P2RY8: variants seen among roughly 807,000 people sequenced by gnomAD.
P2RY8 encodes P2Y receptor family member 8.
P2RY8 carries 6 observed loss-of-function variants against 10.0 expected under a neutral mutation model. The ratio of observed to expected loss-of-function variants is 0.60; its 90% CI spans 0.33 to 1.19. P2RY8 has a LOEUF of 1.19. P2RY8 is among the 50% of genes most tolerant of loss of function. The probability of loss-of-function intolerance (pLI) is 0.04; values close to 1 mark genes in which losing one functional copy is unlikely to be tolerated. For synonymous variants in P2RY8, 276 were observed against 252.5 expected, an observed-to-expected ratio of 1.09 and a Z score of -0.88; for missense variants, 456 against 542.0, an observed-to-expected ratio of 0.84 and a Z score of 1.58.
intron 1 of P2RY8, among the ~76,000 whole-genome samples, chrX:1,498,418 A>AAG (rs1556680336): frequency 6.6e-6 from 1 of 151,196 alleles, no homozygotes; most frequent in Non-Finnish European, 1.5e-5. Flanking sequence ...AAAAAAAAAA[A>AAG]AAAAAGAAAA....
intron 1 of P2RY8, among the ~76,000 whole-genome samples, chrX:1,486,273 C>T (rs777724342): frequency 6.6e-6 from 1 of 152,244 alleles, no homozygotes; most frequent in South Asian, 2.1e-4. Flanking sequence ...ACGTTCCCTG[C>T]AGCACTCTTC....
chrX:1,536,863 C>T (rs1332522325), intron 1 of P2RY8, 58 bp downstream of exon 1: 1 of 209,532 alleles, frequency 4.8e-6, no homozygotes, highest in African/African-American at 2.3e-5. Context: ...CTCCCAGCGA[C>T]CCTGTCTTCT....
At chrX:1,484,670 G>A (rs1282399029) in intron 1 of P2RY8, among the ~76,000 whole-genome samples, 2 of 139,496 alleles carry the variant, frequency 1.4e-5, no homozygotes, top group African/African-American at 2.6e-5. Context: ...GGAGGTTGCA[G>A]TGAGCTGAGA....
At position 1,464,252 on chromosome X, in the gene P2RY8, T is replaced by C. The variant is rs186873355; in HGVS notation, c.*1227A>G. On this transcript the variant is annotated 3_prime_UTR_variant, in exon 2 of 2. Coordinates refer to ENST00000381297, the MANE Select transcript of P2RY8 (RefSeq NM_178129.5). ...GTGATGTCCCAGCACCCCTGGAGAG[T>C]CAGAGCTCTTCTTTGCGCTAAACCA... 1 of 233,044 alleles carries C rather than the reference T, an allele frequency of 4.3e-6. No individual in the cohort carries two copies. The highest frequency in any genetic ancestry group is 2.2e-5 in the African/African-American group (1 of 45,274). The allele number at this position is 233,044 out of a possible 1,614,324, so 14.4% of individuals were successfully genotyped here.
At position 1,521,944 on chromosome X, in the gene P2RY8, C is replaced by CT. The variant is rs751056296; in HGVS notation, c.-25+14976dup. On this transcript the variant is annotated intron_variant, in intron 1 of 1. Coordinates refer to ENST00000381297, the MANE Select transcript of P2RY8 (RefSeq NM_178129.5). ...TGTCTTTCTCTTTCTCTCTCGCTCT[C>CT]TTTTTTTTTTTTTTTTTTTTTTTTT... Among the ~76,000 whole-genome samples the CT allele has an allele frequency of 8.1e-3, 317 of 38,976 alleles. 38 individuals carry two copies. The highest frequency in any genetic ancestry group is 0.017 in the African/African-American group (151 of 8,672). The allele number at this position is 38,976 out of a possible 152,430, so 25.6% of individuals were successfully genotyped here.
intron 1 of P2RY8, among the ~76,000 whole-genome samples, chrX:1,516,605 G>A (rs1451082659): frequency 1.3e-5 from 2 of 151,776 alleles, no homozygotes. Flanking sequence ...CCAAGTCCAG[G>A]AGAGAGGCCT....
chrX:1,477,290 T>TATCAATC (rs2149381961), intron 1 of P2RY8, among the ~76,000 whole-genome samples: 1 of 152,320 alleles, frequency 6.6e-6, no homozygotes, highest in African/African-American at 2.4e-5. Flanking sequence ...ATCTATCATC[T>TATCAATC]ATCTATATCA....
rs370702297 is a variant in P2RY8, at chrX:1,466,061, C to G, written c.498G>C (p.Pro166=). ...SPLARTDLTY[P]VHALGIITCF... is the part of the protein sequence containing the mutation. ...AGGTGATGATGCCCAGGGCGTGCAC[C>G]GGGTAGGTGAGATCGGTGCGCGCCA... is the stretch of plus-strand genomic sequence containing the variant. The change falls in exon 2 of 2, where the codon CCG becomes CCC. Residue 166 remains proline (P), a synonymous_variant. Transcript: ENST00000381297. The G allele has an allele frequency of 2.5e-6, 4 of 1,611,626 alleles. No individual in the cohort carries two copies. The African/African-American group carries it at 5.3e-5, about 22-fold the overall frequency.
intron 1 of P2RY8, among the ~76,000 whole-genome samples, chrX:1,525,820 C>G (rs2092436097): frequency 6.6e-6 from 1 of 150,866 alleles, no homozygotes; most frequent in South Asian, 2.1e-4. Context: ...TATTCATTCG[C>G]CCATTCATTT....
At chrX:1,498,420 A>AG (rs1203615344) in intron 1 of P2RY8, among the ~76,000 whole-genome samples, 3 of 151,098 alleles carry the variant, frequency 2.0e-5, no homozygotes, top group African/African-American at 4.8e-5. Flanking sequence ...AAAAAAAAAA[A>AG]AAAGAAAAAG....
chrX:1,472,311 T>A (rs756419936), intron 1 of P2RY8, among the ~76,000 whole-genome samples: 2 of 151,026 alleles, frequency 1.3e-5, no homozygotes, highest in East Asian at 3.9e-4. Flanking sequence ...AGAGAAGGCA[T>A]GGAAAGATGA....
chrX:1,528,993 T>A (rs1300688869), intron 1 of P2RY8, among the ~76,000 whole-genome samples: 3 of 152,212 alleles, frequency 2.0e-5, no homozygotes, highest in African/African-American at 7.2e-5. Flanking sequence ...TGGGACAGTA[T>A]AAATGACGCT....
At chrX:1,475,282 G>T (rs1415057485) in intron 1 of P2RY8, among the ~76,000 whole-genome samples, 2 of 150,786 alleles carry the variant, frequency 1.3e-5, no homozygotes, top group Admixed American at 6.6e-5. Context: ...TGAGTGGGTA[G>T]ATGGGTGGGT....
intron 1 of P2RY8, among the ~76,000 whole-genome samples, chrX:1,470,443 T>A (rs2091770248): frequency 2.6e-5 from 4 of 151,526 alleles, no homozygotes; most frequent in Non-Finnish European, 5.9e-5. Context: ...TGAACCTGGG[T>A]AGGGGGCAGA....
At position 1,532,445 on chromosome X, in the gene P2RY8, GTATA is replaced by G. The variant is rs2092484493; in HGVS notation, c.-25+4472_-25+4475del. Among the ~76,000 whole-genome samples, 19 of 36,912 alleles carry G rather than the reference GTATA, an allele frequency of 5.1e-4. 1 individual carries two copies. Among genetic ancestry groups the G allele is most frequent in the Admixed American group, 1.0e-3 (3 of 2,990 alleles). The allele number at this position is 36,912 out of a possible 152,430, so 24.2% of individuals were successfully genotyped here. A position where few individuals can be genotyped will look rare whatever the true frequency, so the allele number is the denominator to read the frequency against. ...TATATATACACATATATGTATATAT[GTATA>G]TGTGTATATATACACATATATGTAT... is the stretch of plus-strand genomic sequence containing the variant. On this transcript the variant is annotated intron_variant, in intron 1 of 1. Coordinates refer to ENST00000381297, the MANE Select transcript of P2RY8 (RefSeq NM_178129.5).
chrX:1,504,955 A>AC (rs2092217027), intron 1 of P2RY8, among the ~76,000 whole-genome samples: 1 of 151,844 alleles, frequency 6.6e-6, no homozygotes, highest in African/African-American at 2.4e-5. Context: ...ACACGGTGAA[A>AC]CCCTGTCTCT....
At position 1,492,471 on chromosome X, in the gene P2RY8, T is replaced by C. The variant is rs779927732; in HGVS notation, c.-24-25889A>G. Among the ~76,000 whole-genome samples the C allele has an allele frequency of 7.9e-5, 12 of 152,002 alleles. No homozygotes were observed. In the East Asian group the frequency reaches 2.3e-3, roughly 30 times the overall value. On this transcript the variant is annotated intron_variant, in intron 1 of 1. Coordinates refer to ENST00000381297, the MANE Select transcript of P2RY8 (RefSeq NM_178129.5). ...CCTCTTTCCATCCCTATAGAGAAAG[T>C]GGTCTTCCTCCAGTGATTCCACACC...
Position 1,464,950 on chromosome X carries a change from G to A in P2RY8, c.*529C>T, listed in dbSNP as rs1175745587. 4.2e-6 allele frequency: 1 copy of A among 237,514 alleles called. No individual in the cohort carries two copies. Among genetic ancestry groups the A allele is most frequent in the African/African-American group, 2.2e-5 (1 of 45,448 alleles). 14.7% of individuals were successfully genotyped at this position (237,514 alleles called of 1,614,324 possible). A position where few individuals can be genotyped will look rare whatever the true frequency, so the allele number is the denominator to read the frequency against. The stretch of plus-strand genomic sequence containing the variant: ...GCTACGGAGACCAGAACCCCTGGAG[G>A]AGAATGGAGAAGGCCAGAACCACAA... On this transcript the variant is annotated 3_prime_UTR_variant, in exon 2 of 2. Transcript: ENST00000381297.
At chrX:1,466,619 G>GA in intron 1 of P2RY8, 37 bp from the exon 2 acceptor site, 1 of 1,535,750 alleles carries the variant, frequency 6.5e-7, no homozygotes, top group Non-Finnish European at 8.7e-7. Context: ...CGGGTCAGGG[G>GA]CGCAGGTAAA....
Sources: allele counts gnomAD v4.1 joint callset (sites outside exome capture counted in the v4.1 genomes callset), GRCh38; gene constraint gnomAD v4.1.1; transcripts MANE v1.5; gene names NCBI Gene and HGNC (gene_info 2026-07-23, HGNC 2026-07-21).